Variants in SUSD5 observed in about 807,000 individuals in gnomAD.
SUSD5 encodes sushi domain-containing protein 5.
Under a neutral mutation model 29.5 loss-of-function variants are expected in SUSD5, and 33 were observed. That is an observed-to-expected ratio of 1.12 (90% confidence interval 0.85 to 1.49). The LOEUF (loss-of-function observed/expected upper bound fraction) is 1.49, where lower values mean the gene tolerates loss of function less well. SUSD5 is among the 40% of genes most tolerant of loss of function. The probability of loss-of-function intolerance (pLI) is 0.00; values close to 1 mark genes in which losing one functional copy is unlikely to be tolerated. For synonymous variants in SUSD5, 308 were observed against 325.3 expected, an observed-to-expected ratio of 0.95 and a Z score of 0.57; for missense variants, 776 against 800.6, an observed-to-expected ratio of 0.97 and a Z score of 0.37.
At chr3:33,206,527 A>C (rs914802039) in intron 3 of SUSD5, among the ~76,000 whole-genome samples, 26 of 151,934 alleles carry the variant, frequency 1.7e-4, no homozygotes, top group Non-Finnish European at 2.6e-4. Context: ...CACATCTCTC[A>C]GTTGCTTGAC....
intron 1 of SUSD5, among the ~76,000 whole-genome samples, chr3:33,216,459 G>T (rs1448047108): frequency 6.6e-6 from 1 of 152,096 alleles, no homozygotes; most frequent in African/African-American, 2.4e-5. Context: ...TTACAATTTG[G>T]TTTAGGAACC....
At chr3:33,214,324 A>G (rs1044735955) in intron 1 of SUSD5, among the ~76,000 whole-genome samples, 3 of 46,044 alleles carry the variant, frequency 6.5e-5, no homozygotes, top group Non-Finnish European at 1.4e-4. Flanking sequence ...TCCCCACCCC[A>G]CCCGCCCAAA....
intron 2 of SUSD5, among the ~76,000 whole-genome samples, chr3:33,209,008 T>C (rs534747305): frequency 4.1e-4 from 62 of 152,304 alleles, no homozygotes; most frequent in Middle Eastern, 6.8e-3. Flanking sequence ...CTGGATGTAA[T>C]GAATTCTCTC....
At chr3:33,168,525 G>A in intron 4 of SUSD5, 1 of 985,418 alleles carries the variant, frequency 1.0e-6, no homozygotes, top group Non-Finnish European at 1.2e-6. Context: ...CTTACTGAGG[G>A]GACAGCTAGT....
At chr3:33,172,262 T>G (rs79101022) in intron 4 of SUSD5, among the ~76,000 whole-genome samples, 6,772 of 151,780 alleles carry the variant, frequency 0.045, 222 homozygotes, top group Non-Finnish European at 0.062. Flanking sequence ...TGTTAAACTC[T>G]CAGACACTGT....
In SUSD5 at chr3:33,150,847, C is replaced by T. The variant is rs2030857760; in HGVS notation, c.*1895G>A. The T allele has an allele frequency of 6.6e-6, 1 of 152,222 alleles. No homozygotes were observed. Among genetic ancestry groups the T allele is most frequent in the Non-Finnish European group, 1.5e-5 (1 of 68,044 alleles). 9.4% of individuals were successfully genotyped at this position (152,222 alleles called of 1,614,324 possible). On this transcript the variant is annotated 3_prime_UTR_variant, in exon 5 of 5. Transcript: ENST00000309558. ...TCATAAAAAAGATCAGGATTTCCCT[C>T]TACCACACAAAAACACTTAGACTGC...
At chr3:33,202,024 T>TTTATCTATC (rs1553622581) in intron 3 of SUSD5, among the ~76,000 whole-genome samples, 5 of 146,528 alleles carry the variant, frequency 3.4e-5, no homozygotes, top group Non-Finnish European at 6.0e-5. Context: ...AGGGGAGAAG[T>TTTATCTATC]TATCTATCTA....
At chr3:33,161,926 A>C (rs1169050651) in intron 4 of SUSD5, among the ~76,000 whole-genome samples, 1 of 152,172 alleles carries the variant, frequency 6.6e-6, no homozygotes, top group Non-Finnish European at 1.5e-5. Flanking sequence ...TAATTATAAC[A>C]AATAGAAAAA....
intron 4 of SUSD5, chr3:33,168,422 G>T: frequency 2.6e-6 from 2 of 766,184 alleles, no homozygotes; most frequent in Non-Finnish European, 3.2e-6. Context: ...TTCTATGAAG[G>T]AAATTAAGTC....
chr3:33,185,240 T>C (rs1200944224), intron 3 of SUSD5, among the ~76,000 whole-genome samples: 2 of 152,248 alleles, frequency 1.3e-5, no homozygotes, highest in Non-Finnish European at 2.9e-5. Flanking sequence ...AAATATTTTG[T>C]TCCTGATCAC....
Position 33,150,671 on chromosome 3 carries a change from T to G in SUSD5, c.*2071A>C, listed in dbSNP as rs1469376860. 6.6e-6 allele frequency: 1 copy of G among 152,250 alleles called. No individual in the cohort carries two copies. The highest frequency in any genetic ancestry group is 2.4e-5 in the African/African-American group (1 of 41,466). 9.4% of individuals were successfully genotyped at this position (152,250 alleles called of 1,614,324 possible). ...ACCTTCAGGCTTTATTTTACCCAAC[T>G]ATGGGGAATAAGATCTTTGATTATG... On this transcript the variant is annotated 3_prime_UTR_variant, in exon 5 of 5. Transcript: ENST00000309558.
chr3:33,171,199 T>C (rs1329016334), intron 4 of SUSD5, among the ~76,000 whole-genome samples: 5 of 151,990 alleles, frequency 3.3e-5, no homozygotes, highest in African/African-American at 1.2e-4. Context: ...AATACAAAAT[T>C]AGCCAGGCGT....
Position 33,153,007 on chromosome 3 carries a change from A to T in SUSD5, c.1625T>A (p.Phe542Tyr). 1 of 1,613,846 alleles carries T rather than the reference A, an allele frequency of 6.2e-7. No individual in the cohort carries two copies. The highest frequency in any genetic ancestry group is 8.5e-7 in the Non-Finnish European group (1 of 1,179,820). Reference protein sequence around the residue: ...SFPYLLSEDFFGQEGPGPGAS... With the variant: ...SFPYLLSEDFYGQEGPGPGAS... ...ACCTGGCCCGGGGCCTTCCTGTCCA[A>T]AGAAGTCTTCAGACAGCAGGTATGG... Residue 542 changes from phenylalanine to tyrosine, a missense_variant, in exon 5 of 5, where the codon TTT becomes TAT. By Grantham distance (22) the Phe-to-Tyr change is conservative (BLOSUM62 3). Coordinates refer to ENST00000309558, the MANE Select transcript of SUSD5 (RefSeq NM_015551.2).
chr3:33,183,875 T>C (rs2125623971), intron 3 of SUSD5, among the ~76,000 whole-genome samples: 1 of 151,668 alleles, frequency 6.6e-6, no homozygotes, highest in East Asian at 1.9e-4. Flanking sequence ...GGGCATACAA[T>C]TTTAGGTTAA....
chr3:33,160,734 A>G (rs1230257843), intron 4 of SUSD5, among the ~76,000 whole-genome samples: 3 of 152,240 alleles, frequency 2.0e-5, no homozygotes, highest in African/African-American at 4.8e-5. Context: ...TAGCATCATG[A>G]CAGAACTAAA....
At chr3:33,160,798 GAA>G (rs5847776) in intron 4 of SUSD5, among the ~76,000 whole-genome samples, 27 of 151,294 alleles carry the variant, frequency 1.8e-4, no homozygotes, top group Non-Finnish European at 2.9e-5. Context: ...TATAAAACCA[GAA>G]AAAAAAGACA....
At chr3:33,195,740 A>G (rs1179127874) in intron 3 of SUSD5, among the ~76,000 whole-genome samples, 1 of 107,798 alleles carries the variant, frequency 9.3e-6, no homozygotes, top group African/African-American at 3.2e-5. Context: ...ATAGCCATAT[A>G]AATGAAAAAA....
chr3:33,164,969 AACACACACACACAC>A (rs34551240), intron 4 of SUSD5, among the ~76,000 whole-genome samples: 3 of 147,136 alleles, frequency 2.0e-5, no homozygotes, highest in East Asian at 2.0e-4. Context: ...ACTAAAGTTG[AACACACACACACAC>A]ACACACACAC....
chr3:33,169,991 C>A (rs2031390985), intron 4 of SUSD5, among the ~76,000 whole-genome samples: 1 of 152,024 alleles, frequency 6.6e-6, no homozygotes, highest in Non-Finnish European at 1.5e-5. Flanking sequence ...GATCTCAGCT[C>A]ACTGCAACCT....
Sources: gnomAD v4.1 joint callset for allele counts (sites outside exome capture counted in the v4.1 genomes callset) on GRCh38, gnomAD v4.1.1 for gene constraint, MANE v1.5 for transcripts, NCBI Gene and HGNC (gene_info 2026-07-23, HGNC 2026-07-21) for gene names.